The following ZNF385B variants were observed in gnomAD, a reference collection of about 807,000 sequenced individuals.
ZNF385B encodes zinc finger protein 533.
A neutral mutation model predicts 39.2 loss-of-function variants in ZNF385B; 23 were observed. The ratio of observed to expected loss-of-function variants is 0.59; its 90% confidence interval spans 0.42 to 0.83. The LOEUF is 0.83. Ranked by LOEUF, ZNF385B falls within the 40% of genes least tolerant of loss-of-function variation. The pLI is 0.00. For synonymous variants in ZNF385B, 205 were observed against 222.6 expected (o/e 0.92, Z 0.70); for missense variants, 552 against 598.9 (o/e 0.92, Z 0.82).
At chr2:179,729,349 T>C (rs192499957) in intron 3 of ZNF385B, among the ~76,000 whole-genome samples, 1 of 152,274 alleles carries the variant, frequency 6.6e-6, no homozygotes, top group Admixed American at 6.5e-5. Flanking sequence ...GGACCCAATC[T>C]AGTAGTAAAT....
chr2:179,768,916 G>A (rs1481987183), intron 3 of ZNF385B, among the ~76,000 whole-genome samples: 2 of 152,228 alleles, frequency 1.3e-5, no homozygotes, highest in Non-Finnish European at 2.9e-5. Flanking sequence ...GCAAGTGAAA[G>A]CGATGGATGA....
intron 1 of ZNF385B, among the ~76,000 whole-genome samples, chr2:179,789,519 G>T (rs1175010608): frequency 6.6e-6 from 1 of 152,178 alleles, no homozygotes. Flanking sequence ...GAAGATGACA[G>T]GCAAGAATAA....
intron 4 of ZNF385B, among the ~76,000 whole-genome samples, chr2:179,519,903 C>A (rs75406069): frequency 0.017 from 2,563 of 152,206 alleles, 66 homozygotes; most frequent in African/African-American, 0.059. Context: ...AAGCTAAATA[C>A]ATTAGAAAGG....
At chr2:179,544,251 CTA>C (rs1194661473) in intron 4 of ZNF385B, among the ~76,000 whole-genome samples, 1 of 152,142 alleles carries the variant, frequency 6.6e-6, no homozygotes, top group Non-Finnish European at 1.5e-5. Context: ...AACACTTATC[CTA>C]TGTTTTAAAA....
intron 3 of ZNF385B, among the ~76,000 whole-genome samples, chr2:179,706,928 T>C (rs1699644413): frequency 6.6e-6 from 1 of 151,952 alleles, no homozygotes; most frequent in African/African-American, 2.4e-5. Context: ...GTTTGAAGGG[T>C]TGCTGACCCC....
chr2:179,724,021 G>T (rs1406503998), intron 3 of ZNF385B, among the ~76,000 whole-genome samples: 2 of 151,950 alleles, frequency 1.3e-5, no homozygotes, highest in Non-Finnish European at 2.9e-5. Flanking sequence ...CAATTTAAAG[G>T]CATTGGGTGG....
intron 6 of ZNF385B, among the ~76,000 whole-genome samples, chr2:179,466,352 G>A (rs2052012039): frequency 6.6e-6 from 1 of 151,702 alleles, no homozygotes; most frequent in African/African-American, 2.4e-5. Flanking sequence ...TAACGATATA[G>A]CTAAGGCATA....
chr2:179,680,645 A>G (rs907304114), intron 3 of ZNF385B, among the ~76,000 whole-genome samples: 1 of 152,188 alleles, frequency 6.6e-6, no homozygotes, highest in African/African-American at 2.4e-5. Context: ...TTATACTTCA[A>G]TATAAAGCTT....
chr2:179,713,662 T>C (rs1210003492), intron 3 of ZNF385B, among the ~76,000 whole-genome samples: 1 of 152,200 alleles, frequency 6.6e-6, no homozygotes, highest in Non-Finnish European at 1.5e-5. Context: ...TTACTTACCA[T>C]GTATCTTCAC....
chr2:179,456,652 A>C (rs942022511), intron 6 of ZNF385B, among the ~76,000 whole-genome samples: 5 of 152,172 alleles, frequency 3.3e-5, no homozygotes, highest in Admixed American at 2.0e-4. Flanking sequence ...AAAAGCTGAA[A>C]TCAGTATTGC....
chr2:179,523,679 TAA>T (rs1338237129), intron 4 of ZNF385B, among the ~76,000 whole-genome samples: 2 of 152,182 alleles, frequency 1.3e-5, no homozygotes, highest in Admixed American at 6.5e-5. Context: ...TCTATTCTTA[TAA>T]GAGTCTTAAA....
intron 3 of ZNF385B, among the ~76,000 whole-genome samples, chr2:179,660,645 A>G (rs907824895): frequency 2.6e-5 from 4 of 152,202 alleles, no homozygotes; most frequent in African/African-American, 9.7e-5. Context: ...TGAACCTCCA[A>G]TGATATTTCA....
At chr2:179,786,986 C>T (rs1226423422) in intron 1 of ZNF385B, among the ~76,000 whole-genome samples, 1 of 152,100 alleles carries the variant, frequency 6.6e-6, no homozygotes, top group African/African-American at 2.4e-5. Context: ...TTCAAACGCA[C>T]TTATTTGCAA....
intron 3 of ZNF385B, among the ~76,000 whole-genome samples, chr2:179,548,659 G>A (rs1559456194): frequency 1.3e-5 from 2 of 149,422 alleles, no homozygotes; most frequent in African/African-American, 5.0e-5. Flanking sequence ...GGCAAAGGAG[G>A]AGCAAAGACA....
intron 4 of ZNF385B, among the ~76,000 whole-genome samples, chr2:179,536,126 T>TA (rs1294132804): frequency 1.3e-5 from 2 of 152,194 alleles, no homozygotes; most frequent in African/African-American, 4.8e-5. Flanking sequence ...TTGGCTACCA[T>TA]ACCACAGAGA....
At chr2:179,859,580 A>G (rs911153422) in intron 1 of ZNF385B, among the ~76,000 whole-genome samples, 2 of 151,228 alleles carry the variant, frequency 1.3e-5, no homozygotes, top group African/African-American at 4.9e-5. Context: ...AGAGAGGTCA[A>G]GGAGATCTAC....
intron 4 of ZNF385B, among the ~76,000 whole-genome samples, chr2:179,525,538 G>A (rs759069922): frequency 4.6e-5 from 7 of 152,170 alleles, no homozygotes; most frequent in Non-Finnish European, 5.9e-5. Flanking sequence ...TAAGCAGACC[G>A]CAGCTACAAA....
chr2:179,482,259 C>T (rs1200468439), intron 6 of ZNF385B, among the ~76,000 whole-genome samples: 1 of 152,176 alleles, frequency 6.6e-6, no homozygotes, highest in African/African-American at 2.4e-5. Flanking sequence ...CTTAAGTCTC[C>T]TTCAAAAATT....
rs569665271 is a variant in ZNF385B at position 179,598,611 on chromosome 2, C to G, written c.299-53642G>C. Among the ~76,000 whole-genome samples, 49 of 152,118 alleles carry G rather than the reference C, an allele frequency of 3.2e-4. 2 individuals carry two copies. The East Asian group carries it at 7.9e-3, about 25-fold the overall frequency. The stretch of plus-strand genomic sequence containing the variant: ...ATGTATTTATTAAAAAATAAAACCT[C>G]TATGTATGAGGTGGTGGTGAAAATA... On this transcript the variant is annotated intron_variant, in intron 3 of 9. Transcript: ENST00000410066.
Sources: allele counts gnomAD v4.1 joint callset (sites outside exome capture counted in the v4.1 genomes callset), GRCh38; gene constraint gnomAD v4.1.1; transcripts MANE v1.5; gene names NCBI Gene and HGNC (gene_info 2026-07-23, HGNC 2026-07-21).